The following SMG9 variants were observed in gnomAD, a reference collection of about 807,000 sequenced individuals.
SMG9 encodes the protein SMG9 nonsense mediated mRNA decay factor.
Under a neutral mutation model 64.0 loss-of-function variants are expected in SMG9, and 55 were observed. The ratio of observed to expected loss-of-function variants is 0.86; its 90% confidence interval spans 0.69 to 1.08. The LOEUF is 1.08. SMG9 is among the 50% of genes least tolerant of loss of function. The pLI, the probability that SMG9 is intolerant of heterozygous loss-of-function variation, is 0.00. For synonymous variants in SMG9, 244 were observed against 254.8 expected, an observed-to-expected ratio of 0.96 and a Z score of 0.41; for missense variants, 554 against 681.3, an observed-to-expected ratio of 0.81 and a Z score of 2.08.
chr19:43,729,928 A>G lies in SMG9; in HGVS notation c.*1668T>C, dbSNP rs1036668883. 2.6e-5 allele frequency: 4 copies of G among 152,350 alleles called. No homozygotes were observed. The highest frequency in any genetic ancestry group is 9.6e-5 in the African/African-American group (4 of 41,452). 9.4% of individuals were successfully genotyped at this position (152,350 alleles called of 1,614,324 possible). A position where few individuals can be genotyped will look rare whatever the true frequency, so the allele number is the denominator to read the frequency against. On this transcript the variant is annotated 3_prime_UTR_variant, in exon 14 of 14. Coordinates refer to ENST00000270066, the MANE Select transcript of SMG9 (RefSeq NM_019108.4). ...CAGTCGGTCAGGAAGTGGCTGTGCCAGAGCCTGTGCTGGGCCTCCTGTCTC... is the reference window on the plus strand; with the variant it reads ...CAGTCGGTCAGGAAGTGGCTGTGCCGGAGCCTGTGCTGGGCCTCCTGTCTC...
intron 7 of SMG9, 29 bp downstream of exon 7, chr19:43,740,078 G>A (rs1431793533): frequency 7.0e-7 from 1 of 1,432,330 alleles, no homozygotes. Context: ...GATGTGGCAG[G>A]GTGGGGCAAA....
At chr19:43,747,286 A>T (rs544099393) in intron 5 of SMG9, among the ~76,000 whole-genome samples, 156 bp downstream of exon 5, 3 of 152,222 alleles carry the variant, frequency 2.0e-5, no homozygotes, top group Admixed American at 1.3e-4. Flanking sequence ...GCTAGTTGAA[A>T]TTCCGCTCTG....
At chr19:43,748,283 CAAA>C (rs1308019916) in intron 2 of SMG9, among the ~76,000 whole-genome samples, 1 of 152,208 alleles carries the variant, frequency 6.6e-6, no homozygotes, top group East Asian at 1.9e-4. Flanking sequence ...GCTGCAGAAC[CAAA>C]TCCTCAAGCA....
chr19:43,734,542 G>A, intron 9 of SMG9, 47 bp from the exon 10 acceptor site: 1 of 1,346,770 alleles, frequency 7.4e-7, no homozygotes, highest in Non-Finnish European at 1.0e-6. Context: ...TTGCACCCCA[G>A]GTCCCACAGC....
chr19:43,732,545 G>T (rs1032365922), intron 13 of SMG9: 7 of 346,944 alleles, frequency 2.0e-5, no homozygotes, highest in Non-Finnish European at 3.2e-5. Context: ...GCAATCAAAT[G>T]ACTCCTAGCC....
rs962178035 is a variant in SMG9, at chr19:43,734,285, A to G, written c.1102+104T>C. On this transcript the variant is annotated intron_variant, in intron 10 of 13. Coordinates refer to ENST00000270066, the MANE Select transcript of SMG9 (RefSeq NM_019108.4). Reference sequence around the variant, plus strand: ...AACTCTCAAAAGTGCTCCACCCAGAACCCCACTCCTTCCTCTCTCTCCCCT... The same window carrying G: ...AACTCTCAAAAGTGCTCCACCCAGAGCCCCACTCCTTCCTCTCTCTCCCCT... 167 of 909,362 alleles carry G rather than the reference A, an allele frequency of 1.8e-4. 1 individual carries two copies. The East Asian group carries it at 4.3e-3, about 23-fold the overall frequency. 56.3% of individuals were successfully genotyped at this position (909,362 alleles called of 1,614,324 possible).
chr19:43,739,835 A>G (rs940325068), intron 7 of SMG9: 3 of 450,502 alleles, frequency 6.7e-6, no homozygotes, highest in Non-Finnish European at 1.2e-5. Flanking sequence ...ACTAACAGAC[A>G]GGATCAGAAC....
chr19:43,748,118 T>C (rs1969085156), intron 2 of SMG9, 66 bp from the exon 3 acceptor site: 1 of 1,523,120 alleles, frequency 6.6e-7, no homozygotes, highest in African/African-American at 1.4e-5. Flanking sequence ...TTATGTACCA[T>C]GAACTATTCT....
chr19:43,737,165 C>T (rs1310663285), intron 9 of SMG9, among the ~76,000 whole-genome samples: 5 of 152,062 alleles, frequency 3.3e-5, no homozygotes, highest in African/African-American at 4.8e-5. Flanking sequence ...CCCAGCTACT[C>T]GGGAGGCTGA....
At position 43,752,902 on chromosome 19, in the gene SMG9, TA is replaced by T. The variant is rs775445159; in HGVS notation, c.-7+1751del. 3.2e-3 allele frequency among the ~76,000 whole-genome samples: 307 copies of T among 96,050 alleles called. 1 individual carries two copies. The highest frequency in any genetic ancestry group is 3.1e-3 in the Non-Finnish European group (148 of 48,064). 63.0% of individuals were successfully genotyped at this position (96,050 alleles called of 152,430 possible). A position where few individuals can be genotyped will look rare whatever the true frequency, so the allele number is the denominator to read the frequency against. On this transcript the variant is annotated intron_variant, in intron 1 of 13. Coordinates refer to ENST00000270066, the MANE Select transcript of SMG9 (RefSeq NM_019108.4). ...CTGGGTAACAAAGCAAGACCCTGTC[TA>T]AAAAAAAAAAAAAGCAGAACCCTGT...
intron 9 of SMG9, among the ~76,000 whole-genome samples, chr19:43,737,001 C>G (rs1477314877): frequency 2.0e-5 from 3 of 152,126 alleles, no homozygotes; most frequent in Admixed American, 6.5e-5. Context: ...AGGGCAGGTG[C>G]GGTGGCTCAC....
chr19:43,734,302 C>T, intron 10 of SMG9, 87 bp downstream of exon 10: 2 of 1,083,150 alleles, frequency 1.8e-6, no homozygotes, highest in Non-Finnish European at 2.7e-6. Flanking sequence ...TCCTTCCTCT[C>T]TCTCCCCTCT....
chr19:43,734,417 A>G lies in SMG9; in HGVS notation c.1074T>C (p.Asp358=). Residue 358 remains aspartate, a synonymous_variant, in exon 10 of 14, where the codon GAT becomes GAC. Coordinates refer to ENST00000270066, the MANE Select transcript of SMG9 (RefSeq NM_019108.4). ...SHESSSSSGS[D]EGTEYYPHLV... ...GGTGGGGGTAGTACTCGGTGCCTTC[A>G]TCGGAGCCCGATGAGCTGCTGGACT... 1 of 1,558,550 alleles carries G rather than the reference A, an allele frequency of 6.4e-7. No homozygotes were observed. The highest frequency in any genetic ancestry group is 8.7e-7 in the Non-Finnish European group (1 of 1,150,564).
intron 2 of SMG9, among the ~76,000 whole-genome samples, chr19:43,749,709 C>T (rs1306359322): frequency 1.3e-5 from 2 of 152,204 alleles, no homozygotes; most frequent in East Asian, 3.8e-4. Flanking sequence ...GCCCAGGGGG[C>T]AGGTTCTGGC....
At chr19:43,740,358 A>G in intron 6 of SMG9, 140 bp from the exon 7 acceptor site, 1 of 472,364 alleles carries the variant, frequency 2.1e-6, no homozygotes, top group Non-Finnish European at 4.1e-6. Flanking sequence ...GGCCCATGTC[A>G]GGGGGTGGGA....
intron 9 of SMG9, among the ~76,000 whole-genome samples, chr19:43,737,002 G>A (rs1262019127): frequency 1.3e-5 from 2 of 152,120 alleles, no homozygotes; most frequent in Non-Finnish European, 2.9e-5. Context: ...GGGCAGGTGC[G>A]GTGGCTCACG....
intron 1 of SMG9, among the ~76,000 whole-genome samples, chr19:43,753,762 C>T (rs1379832283): frequency 1.3e-5 from 2 of 151,980 alleles, no homozygotes; most frequent in South Asian, 4.1e-4. Context: ...CACCTGGCCT[C>T]CCTGTGCCCT....
chr19:43,729,093 A>G lies in SMG9; in HGVS notation c.*2503T>C. Reference sequence around the variant, plus strand: ...GCGGGTGACCGGTACATACTTACCCACTGTTCAGAAGGCTACTGCCAGTTT... The same window carrying G: ...GCGGGTGACCGGTACATACTTACCCGCTGTTCAGAAGGCTACTGCCAGTTT... On this transcript the variant is annotated 3_prime_UTR_variant, in exon 14 of 14. Coordinates refer to ENST00000270066, the MANE Select transcript of SMG9 (RefSeq NM_019108.4). The G allele has an allele frequency of 1.1e-6, 1 of 948,592 alleles. No homozygotes were observed. Among genetic ancestry groups the G allele is most frequent in the Non-Finnish European group, 1.3e-6 (1 of 796,390 alleles). The allele number at this position is 948,592 out of a possible 1,614,324, so 58.8% of individuals were successfully genotyped here. A position where few individuals can be genotyped will look rare whatever the true frequency, so the allele number is the denominator to read the frequency against.
intron 13 of SMG9, among the ~76,000 whole-genome samples, 175 bp from the exon 14 acceptor site, chr19:43,731,849 G>A (rs1221923007): frequency 1.3e-5 from 2 of 152,210 alleles, no homozygotes; most frequent in Admixed American, 1.3e-4. Context: ...GTGATGGGAG[G>A]TGGCCCAACT....
Sources: gnomAD v4.1 joint callset for allele counts (sites outside exome capture counted in the v4.1 genomes callset) on GRCh38, gnomAD v4.1.1 for gene constraint, MANE v1.5 for transcripts, NCBI Gene and HGNC (gene_info 2026-07-23, HGNC 2026-07-21) for gene names.